Variants in CREBBP observed in about 807,000 individuals in gnomAD.
The protein encoded by CREBBP is CREB binding lysine acetyltransferase, also known as CREB-binding protein.
A neutral mutation model predicts 265.0 loss-of-function variants in CREBBP; 19 were observed. That is an observed-to-expected ratio of 0.07 (90% CI 0.05 to 0.11). The LOEUF is 0.11. CREBBP is among the 10% of genes least tolerant of loss of function. The pLI, the probability that CREBBP is intolerant of heterozygous loss-of-function variation, is 1.00. For missense variants in CREBBP, 2,525 were observed against 3,219.0 expected, an observed-to-expected ratio of 0.78 and a Z score of 5.22; for synonymous variants, 1,457 against 1,223.7, an observed-to-expected ratio of 1.19 and a Z score of -3.98.
At chr16:3,835,364 A>T (rs2054424032) in intron 2 of CREBBP, among the ~76,000 whole-genome samples, 3 of 152,084 alleles carry the variant, frequency 2.0e-5, no homozygotes, top group Admixed American at 6.6e-5. Flanking sequence ...TCCTTAAAAA[A>T]TATAAAACCC....
chr16:3,861,667 A>AG (rs1046656034), intron 1 of CREBBP, among the ~76,000 whole-genome samples: 9 of 151,422 alleles, frequency 5.9e-5, no homozygotes, highest in South Asian at 2.1e-4. Context: ...AAAAAAAAAA[A>AG]AAAGAAAGAG....
rs2053268845 is a variant in CREBBP, at chr16:3,781,266, T to C, written c.1614A>G (p.Thr538=). The change falls in exon 7 of 31, where the codon ACA becomes ACG. Residue 538 remains threonine (T), a synonymous_variant. Coordinates refer to ENST00000262367, the MANE Select transcript of CREBBP (RefSeq NM_004380.3). ...PMNIPAGGIT[T]DQQPPNLISE... ...AAATCAAGTTTGGGGGCTGCTGATCTGTTGTTATTCCTCCTGCTGGAATGT... is the reference window on the plus strand; with the variant it reads ...AAATCAAGTTTGGGGGCTGCTGATCCGTTGTTATTCCTCCTGCTGGAATGT... 1.2e-6 allele frequency: 2 copies of C among 1,614,094 alleles called. No individual in the cohort carries two copies. The highest frequency in any genetic ancestry group is 2.2e-5 in the South Asian group (2 of 91,084).
rs757578450 is a variant in CREBBP, at chr16:3,778,014, G to A, written c.2110C>T (p.Pro704Ser). ...VIPQAQPVRP[P>S]NGPLSLPVNR... ...CAGTAGGAAATAAAATCCTTACTTG[G>A]AGGTCTCACAGGTTGTGCCTGTGGA... Residue 704 changes from proline to serine, a missense_variant, in exon 10 of 31, where the codon CCA (proline) becomes TCA (serine). Coordinates refer to ENST00000262367, the MANE Select transcript of CREBBP (RefSeq NM_004380.3). 6 of 1,614,094 alleles carry A rather than the reference G, an allele frequency of 3.7e-6. No individual in the cohort carries two copies. In the East Asian group the frequency reaches 6.7e-5, roughly 18 times the overall value.
chr16:3,856,164 C>A (rs889732291), intron 1 of CREBBP, among the ~76,000 whole-genome samples: 2 of 152,210 alleles, frequency 1.3e-5, no homozygotes, highest in African/African-American at 4.8e-5. Context: ...TAGGGTCTTG[C>A]TCTGTCACCT....
At position 3,730,012 on chromosome 16, in the gene CREBBP, G is replaced by C. The variant is rs573493187; in HGVS notation, c.5173-138C>G. 1.7e-5 allele frequency: 24 copies of C among 1,419,522 alleles called. No homozygotes were observed. In the African/African-American group the frequency reaches 3.1e-4, roughly 18 times the overall value. The allele number at this position is 1,419,522 out of a possible 1,614,324, so 87.9% of individuals were successfully genotyped here. On this transcript the variant is annotated intron_variant, in intron 30 of 30. Coordinates refer to ENST00000262367, the MANE Select transcript of CREBBP (RefSeq NM_004380.3). ...AGGATAGGAGACCCAGACAGGATGC[G>C]AGCACGGACAGGTGGGAGACCCGGA...
At chr16:3,832,654 A>G (rs992998572) in intron 2 of CREBBP, among the ~76,000 whole-genome samples, 3 of 152,240 alleles carry the variant, frequency 2.0e-5, no homozygotes, top group African/African-American at 7.2e-5. Context: ...GTATCTAAAC[A>G]TAGAAAAGGC....
At chr16:3,865,101 C>T (rs1417867061) in intron 1 of CREBBP, among the ~76,000 whole-genome samples, 5 of 152,210 alleles carry the variant, frequency 3.3e-5, no homozygotes, top group Non-Finnish European at 7.3e-5. Context: ...CAATGTATAC[C>T]TGGAGAATAT....
chr16:3,861,515 C>T (rs954760109), intron 1 of CREBBP, among the ~76,000 whole-genome samples: 1 of 152,138 alleles, frequency 6.6e-6, no homozygotes, highest in African/African-American at 2.4e-5. Context: ...TCAACAGCCG[C>T]CACTTATCAA....
chr16:3,840,135 G>A (rs148197099), intron 2 of CREBBP, among the ~76,000 whole-genome samples: 4 of 152,298 alleles, frequency 2.6e-5, no homozygotes, highest in South Asian at 2.1e-4. Context: ...CTTTTAAGAG[G>A]CCAAATTAAG....
intron 2 of CREBBP, among the ~76,000 whole-genome samples, chr16:3,819,539 G>A (rs2054103074): frequency 6.6e-6 from 1 of 152,314 alleles, no homozygotes. Context: ...CATGTAGGAC[G>A]ATAGGGAGAG....
At position 3,774,082 on chromosome 16, in the gene CREBBP, C is replaced by T. The variant is rs904571480; in HGVS notation, c.2284-152G>A. ...CCTTCCTCATGGGAAGAGACCACCACTTGCTAAGAACTCCCGCGCTCCTGG... is the reference window on the plus strand; with the variant it reads ...CCTTCCTCATGGGAAGAGACCACCATTTGCTAAGAACTCCCGCGCTCCTGG... On this transcript the variant is annotated intron_variant, in intron 12 of 30. Coordinates refer to ENST00000262367, the MANE Select transcript of CREBBP (RefSeq NM_004380.3). 5 of 867,328 alleles carry T rather than the reference C, an allele frequency of 5.8e-6. No homozygotes were observed. In the Admixed American group the frequency reaches 7.8e-5, roughly 14 times the overall value. The allele number at this position is 867,328 out of a possible 1,614,324, so 53.7% of individuals were successfully genotyped here. A position where few individuals can be genotyped will look rare whatever the true frequency, so the allele number is the denominator to read the frequency against.
Position 3,726,043 on chromosome 16 carries a change from G to A in CREBBP, c.*1675C>T, listed in dbSNP as rs1042909923. The stretch of plus-strand genomic sequence containing the variant: ...GGGAGGCAGGACCATGTGGCTAAGT[G>A]CAAGTATCCCCCGAAGTGGGGGACC... On this transcript the variant is annotated 3_prime_UTR_variant, in exon 31 of 31. Transcript: ENST00000262367. The A allele has an allele frequency of 8.6e-6, 2 of 233,190 alleles. No homozygotes were observed. The highest frequency in any genetic ancestry group is 4.4e-5 in the African/African-American group (2 of 45,358). The allele number at this position is 233,190 out of a possible 1,614,324, so 14.4% of individuals were successfully genotyped here.
intron 11 of CREBBP, among the ~76,000 whole-genome samples, chr16:3,774,972 T>C (rs908085460): frequency 2.0e-5 from 3 of 152,150 alleles, no homozygotes; most frequent in Middle Eastern, 3.4e-3. Flanking sequence ...CAGGAACAAG[T>C]GAGACATTAA....
rs144200709 is a variant in CREBBP, at chr16:3,773,867, T to C, written c.2347A>G (p.Met783Val). The change falls in exon 13 of 31, where the codon ATG (methionine) becomes GTG (valine). Residue 783 changes from methionine to valine, a missense_variant. Physicochemically the swap from Met to Val is conservative, Grantham distance 21. Around this residue, in one of 19 missense-constraint regions of CREBBP, gnomAD observed 548 missense variants for 533.0 expected, o/e 1.03. Coordinates refer to ENST00000262367, the MANE Select transcript of CREBBP (RefSeq NM_004380.3). Reference sequence around the variant, plus strand: ...CTCTGAGCGGGCGCCTGGGCCATCATGTTGTTGGTGTGTGCACCCATCATG... The same window carrying C: ...CTCTGAGCGGGCGCCTGGGCCATCACGTTGTTGGTGTGTGCACCCATCATG... ...PNMMGAHTNNMMAQAPAQSQF... is the reference protein window; with the variant it reads ...PNMMGAHTNNVMAQAPAQSQF... 4.3e-6 allele frequency: 7 copies of C among 1,612,224 alleles called. No individual in the cohort carries two copies. Among genetic ancestry groups the C allele is most frequent in the Non-Finnish European group, 5.9e-6 (7 of 1,180,034 alleles).
At chr16:3,774,509 T>C (rs2053088963) in intron 12 of CREBBP, 60 bp downstream of exon 12, 4 of 1,609,316 alleles carry the variant, frequency 2.5e-6, no homozygotes, top group Non-Finnish European at 2.5e-6. Context: ...TTCTGCTGCT[T>C]AGATAATGTT....
rs745817994 is a variant in CREBBP, at chr16:3,728,495, A to G, written c.6552T>C (p.Ser2184=). 2 of 1,613,330 alleles carry G rather than the reference A, an allele frequency of 1.2e-6. No individual in the cohort carries two copies. Among genetic ancestry groups the G allele is most frequent in the South Asian group, 2.2e-5 (2 of 91,032 alleles). Residue 2184 remains serine (S), a synonymous_variant, in exon 31 of 31, where the codon AGT becomes AGC. Transcript: ENST00000262367. The surrounding 1 kb of genome is among the most constrained non-coding windows in gnomAD (Gnocchi z 8.7). ...MNPGHNPNMA[S]MNPQYREMLR... ...ACATTTCTCGGTACTGTGGATTCAT[A>G]CTCGCCATGTTGGGGTTGTGTCCTG...
rs761902273 is a variant in CREBBP, at chr16:3,736,021, G to A, written c.4728+15C>T. 1.6e-5 allele frequency: 26 copies of A among 1,614,096 alleles called. No individual in the cohort carries two copies. Among genetic ancestry groups the A allele is most frequent in the Non-Finnish European group, 2.1e-5 (25 of 1,180,044 alleles). The stretch of plus-strand genomic sequence containing the variant: ...CGGGACACGTGGGCAATGGAGCTCA[G>A]AGAAGGGTCTGTACCTCAGTGGTTT... On this transcript the variant is annotated intron_variant, in intron 28 of 30. Coordinates refer to ENST00000262367, the MANE Select transcript of CREBBP (RefSeq NM_004380.3).
rs34060381 is a variant in CREBBP at position 3,772,328 on chromosome 16, A to AACACACAC, written c.2464-1350_2464-1343dup. 8.1e-3 allele frequency among the ~76,000 whole-genome samples: 1,180 copies of AACACACAC among 145,330 alleles called. 8 individuals carry two copies. The highest frequency in any genetic ancestry group is 0.021 in the African/African-American group (809 of 38,944). ...AAAAAAAAATTCTCTCTGAAACACAAACACACACACACACACACACACACA... is the reference window on the plus strand; with the variant it reads ...AAAAAAAAATTCTCTCTGAAACACAAACACACACACACACACACACACACACACACACA... On this transcript the variant is annotated intron_variant, in intron 13 of 30. Transcript: ENST00000262367.
chr16:3,791,930 A>G (rs2053516549), intron 5 of CREBBP, 51 bp downstream of exon 5: 1 of 1,476,564 alleles, frequency 6.8e-7, no homozygotes, highest in African/African-American at 1.4e-5. Context: ...TTTTCTTTAG[A>G]AACAACTTCT....
Sources: gnomAD v4.1 joint callset for allele counts (sites outside exome capture counted in the v4.1 genomes callset) on GRCh38, gnomAD v4.1.1 for gene constraint, gnomAD v4.1.1 regional missense constraint, Gnocchi (gnomAD v3.1) non-coding constraint, MANE v1.5 for transcripts, NCBI Gene and HGNC (gene_info 2026-07-23, HGNC 2026-07-21) for gene names.